HDAC2: variants seen among roughly 807,000 people sequenced by gnomAD.
HDAC2 encodes the protein YY1-associated factor 1.
In HDAC2, 5 loss-of-function variants were observed where a neutral mutation model predicts 68.5. The observed-to-expected ratio is 0.07, with a 90% CI of 0.04 to 0.15. HDAC2 has a LOEUF of 0.15. Ranked by LOEUF, HDAC2 falls within the 10% of genes least tolerant of loss-of-function variation. HDAC2 has a pLI of 1.00. For synonymous variants in HDAC2, 182 were observed against 191.3 expected (o/e 0.95, Z 0.40); for missense variants, 291 against 600.8 (o/e 0.48, Z 5.39).
rs368149055 is a variant in HDAC2, at chr6:113,961,805, A to C, written c.53-1787T>G. ...AGAAATCATTAAAGTAAAAATAATG[A>C]AAGTCTAGTCTTCACTAGAAATGCA... On this transcript the variant is annotated intron_variant, in intron 1 of 13. Transcript: ENST00000519065. Among the ~76,000 whole-genome samples, 35 of 152,336 alleles carry C rather than the reference A, an allele frequency of 2.3e-4. No individual in the cohort carries two copies. In the South Asian group the frequency reaches 6.6e-3, roughly 29 times the overall value.
At chr6:113,963,138 C>T (rs1286656697) in intron 1 of HDAC2, among the ~76,000 whole-genome samples, 3 of 151,418 alleles carry the variant, frequency 2.0e-5, no homozygotes, top group Non-Finnish European at 2.9e-5. Flanking sequence ...GGCTGGAGTG[C>T]GGTGATGTGA....
intron 5 of HDAC2, among the ~76,000 whole-genome samples, chr6:113,953,723 T>C (rs949147782): frequency 6.6e-6 from 1 of 152,234 alleles, no homozygotes; most frequent in Non-Finnish European, 1.5e-5. Context: ...TATACCATAC[T>C]CAAGATTGTT....
chr6:113,940,622 T>C lies in HDAC2; in HGVS notation c.*436A>G, dbSNP rs1354794478. On this transcript the variant is annotated 3_prime_UTR_variant, in exon 14 of 14. Transcript: ENST00000519065. ...GTTATCTTTCAAGCTGTAATCATTA[T>C]CTTTCACCTAGAGTGTATTGTAAGT... 2 of 156,338 alleles carry C rather than the reference T, an allele frequency of 1.3e-5. No individual in the cohort carries two copies. Among genetic ancestry groups the C allele is most frequent in the East Asian group, 3.8e-4 (2 of 5,304 alleles). 9.7% of individuals were successfully genotyped at this position (156,338 alleles called of 1,614,324 possible).
chr6:113,945,866 T>C (rs1776253585), intron 9 of HDAC2, 142 bp downstream of exon 9: 7 of 691,326 alleles, frequency 1.0e-5, no homozygotes, highest in Non-Finnish European at 1.7e-5. Flanking sequence ...TCATGTTTGG[T>C]AGGTTAAGTG....
intron 1 of HDAC2, among the ~76,000 whole-genome samples, chr6:113,969,464 A>T (rs575718979): frequency 6.6e-6 from 1 of 152,154 alleles, no homozygotes; most frequent in Non-Finnish European, 1.5e-5. Flanking sequence ...TACTTCTCTA[A>T]AATTTTGTGA....
Position 113,937,972 on chromosome 6 carries a change from C to G in HDAC2, c.*3086G>C, listed in dbSNP as rs1776043115. 6.6e-6 allele frequency: 1 copy of G among 152,166 alleles called. No homozygotes were observed. The highest frequency in any genetic ancestry group is 1.5e-5 in the Non-Finnish European group (1 of 68,086). The allele number at this position is 152,166 out of a possible 1,614,324, so 9.4% of individuals were successfully genotyped here. The stretch of plus-strand genomic sequence containing the variant: ...GCCAGCCTGGCCAACATAGTGAAAC[C>G]CCGTCTCTACTAAAAATGCGAACAA... On this transcript the variant is annotated 3_prime_UTR_variant, in exon 14 of 14. Coordinates refer to ENST00000519065, the MANE Select transcript of HDAC2 (RefSeq NM_001527.4).
rs966057137 is a variant in HDAC2, at chr6:113,935,946, C to A, written c.*5112G>T. On this transcript the variant is annotated 3_prime_UTR_variant, in exon 14 of 14. Transcript: ENST00000519065. The stretch of plus-strand genomic sequence containing the variant: ...AACTATAATTCCTAGAAATAAATTT[C>A]AATTCTTTCCCATTCTGTATACTAA... 7.9e-5 allele frequency: 12 copies of A among 152,164 alleles called. No homozygotes were observed. 9.4% of individuals were successfully genotyped at this position (152,164 alleles called of 1,614,324 possible).
chr6:113,943,440 CCTT>C lies in HDAC2; in HGVS notation c.1286_1288del (p.Glu429del), dbSNP rs1455414503. On this transcript the variant is annotated inframe_deletion, in exon 12 of 14. Transcript: ENST00000519065. ...ATGATCAGCCACATTTCTTCGACCTCCTTCTCCTTCATCCTCAGAATCTGAGAA... is the reference window on the plus strand; with the variant it reads ...ATGATCAGCCACATTTCTTCGACCTCCTCCTTCATCCTCAGAATCTGAGAA... The C allele has an allele frequency of 1.9e-6, 3 of 1,610,270 alleles. No individual in the cohort carries two copies. Among genetic ancestry groups the C allele is most frequent in the Non-Finnish European group, 1.7e-6 (2 of 1,179,014 alleles).
intron 6 of HDAC2, 28 bp from the exon 7 acceptor site, chr6:113,949,288 G>A (rs746987259): frequency 7.6e-7 from 1 of 1,316,660 alleles, no homozygotes; most frequent in Non-Finnish European, 1.1e-6. Flanking sequence ...ACTGATCTTA[G>A]AGAATATTCT....
chr6:113,956,154 A>G lies in HDAC2; in HGVS notation c.359-3T>C. On this transcript the variant is annotated splice_polypyrimidine_tract_variant and splice_region_variant and intron_variant, in intron 4 of 13. Transcript: ENST00000519065. ...TCGGTTTAACTTCACAGCTCCAGCTAAGAAGTAGAAACAAGATAGACCTTT... is the reference window on the plus strand; with the variant it reads ...TCGGTTTAACTTCACAGCTCCAGCTGAGAAGTAGAAACAAGATAGACCTTT... 1 of 1,594,362 alleles carries G rather than the reference A, an allele frequency of 6.3e-7. No individual in the cohort carries two copies. Among genetic ancestry groups the G allele is most frequent in the Non-Finnish European group, 8.5e-7 (1 of 1,173,964 alleles).
At chr6:113,960,200 A>G (rs545649873) in intron 1 of HDAC2, among the ~76,000 whole-genome samples, 182 bp from the exon 2 acceptor site, 1 of 152,088 alleles carries the variant, frequency 6.6e-6, no homozygotes, top group South Asian at 2.1e-4. Context: ...CGCTACGCAC[A>G]CTTTTACCAG....
Position 113,937,150 on chromosome 6 carries a change from T to C in HDAC2, c.*3908A>G, listed in dbSNP as rs913423374. On this transcript the variant is annotated 3_prime_UTR_variant, in exon 14 of 14. Coordinates refer to ENST00000519065, the MANE Select transcript of HDAC2 (RefSeq NM_001527.4). ...GAGGTTAGTAATTTTCCTAAGATTA[T>C]GGTGGAGATCCTAAGCTATTGAAAT... is the stretch of plus-strand genomic sequence containing the variant. 3.3e-5 allele frequency: 5 copies of C among 152,236 alleles called. No homozygotes were observed. Among genetic ancestry groups the C allele is most frequent in the African/African-American group, 1.2e-4 (5 of 41,462 alleles). 9.4% of individuals were successfully genotyped at this position (152,236 alleles called of 1,614,324 possible). A position where few individuals can be genotyped will look rare whatever the true frequency, so the allele number is the denominator to read the frequency against.
intron 8 of HDAC2, chr6:113,948,638 C>T (rs1371085832): frequency 5.0e-6 from 1 of 200,894 alleles, no homozygotes; most frequent in East Asian, 1.3e-4. Flanking sequence ...GTGAGGAGAG[C>T]TAAACCCTCT....
chr6:113,948,612 T>C lies in HDAC2; in HGVS notation c.841+367A>G, dbSNP rs535028984. The C allele has an allele frequency of 3.3e-5, 6 of 180,530 alleles. No individual in the cohort carries two copies. In the South Asian group the frequency reaches 9.1e-4, roughly 27 times the overall value. The allele number at this position is 180,530 out of a possible 1,614,324, so 11.2% of individuals were successfully genotyped here. Reference sequence around the variant, plus strand: ...TAGAGGTATGGGAAGGGTACAAGTATGTTGTGGGCAAAATGGTGAGGAGAG... The same window carrying C: ...TAGAGGTATGGGAAGGGTACAAGTACGTTGTGGGCAAAATGGTGAGGAGAG... On this transcript the variant is annotated intron_variant, in intron 8 of 13. Transcript: ENST00000519065.
intron 1 of HDAC2, chr6:113,970,395 T>C: frequency 2.1e-6 from 2 of 943,550 alleles, no homozygotes; most frequent in Non-Finnish European, 2.5e-6. Context: ...CGCGGGGCTT[T>C]GTGTAGAGTC....
chr6:113,951,140 T>G (rs1225926826), intron 6 of HDAC2, among the ~76,000 whole-genome samples: 1 of 152,232 alleles, frequency 6.6e-6, no homozygotes, highest in African/African-American at 2.4e-5. Flanking sequence ...CTGCTGCCCT[T>G]GTTAGACATA....
At chr6:113,949,803 A>G (rs1476577930) in intron 6 of HDAC2, among the ~76,000 whole-genome samples, 1 of 151,178 alleles carries the variant, frequency 6.6e-6, no homozygotes, top group Non-Finnish European at 1.5e-5. Context: ...TTTTTTTGAG[A>G]CAGAGTTTTG....
chr6:113,968,381 T>C (rs1180269967), intron 1 of HDAC2: 4 of 152,142 alleles, frequency 2.6e-5, no homozygotes, highest in Admixed American at 2.6e-4. Context: ...CATTCTCTTC[T>C]CACAATAAAA....
At chr6:113,955,168 T>C (rs961315625) in intron 5 of HDAC2, among the ~76,000 whole-genome samples, 3 of 152,088 alleles carry the variant, frequency 2.0e-5, no homozygotes, top group African/African-American at 7.2e-5. Flanking sequence ...CAAACTACTT[T>C]TAAAAAAGGG....
Sources: allele counts gnomAD v4.1 joint callset (sites outside exome capture counted in the v4.1 genomes callset), GRCh38; gene constraint gnomAD v4.1.1; transcripts MANE v1.5; gene names NCBI Gene and HGNC (gene_info 2026-07-23, HGNC 2026-07-21).